IL1RAP: variants seen among roughly 807,000 people sequenced by gnomAD.
The protein encoded by IL1RAP is interleukin 1 receptor accessory protein.
In IL1RAP, 35 loss-of-function variants were observed where a neutral mutation model predicts 60.7. The observed-to-expected ratio is 0.58, with a 90% CI of 0.44 to 0.76. The LOEUF (loss-of-function observed/expected upper bound fraction) is 0.76. IL1RAP is among the 30% of genes least tolerant of loss of function. IL1RAP has a pLI of 0.00. For missense variants in IL1RAP, 572 were observed against 693.9 expected (o/e 0.82, Z 1.97); for synonymous variants, 268 against 250.9 (o/e 1.07, Z -0.64).
intron 3 of IL1RAP, among the ~76,000 whole-genome samples, chr3:190,589,699 G>C (rs1174741705): frequency 1.3e-5 from 2 of 152,172 alleles, no homozygotes; most frequent in African/African-American, 4.8e-5. Flanking sequence ...GGGGAAGTTA[G>C]AAAGCTCCTA....
chr3:190,631,501 G>C (rs969788102), intron 9 of IL1RAP, among the ~76,000 whole-genome samples: 5 of 152,158 alleles, frequency 3.3e-5, no homozygotes, highest in African/African-American at 7.2e-5. Flanking sequence ...TGTATTTCCG[G>C]TGGTACCAGA....
At chr3:190,533,989 T>C (rs1723214046) in intron 1 of IL1RAP, among the ~76,000 whole-genome samples, 2 of 152,110 alleles carry the variant, frequency 1.3e-5, no homozygotes, top group African/African-American at 4.8e-5. Flanking sequence ...TTCTTTTAAT[T>C]GGCTTACTAC....
intron 3 of IL1RAP, among the ~76,000 whole-genome samples, chr3:190,580,552 A>G (rs950125799): frequency 6.6e-6 from 1 of 152,214 alleles, no homozygotes; most frequent in African/African-American, 2.4e-5. Flanking sequence ...GCACAGAAGG[A>G]CAGACACTAC....
chr3:190,532,878 T>A (rs184882892), intron 1 of IL1RAP, among the ~76,000 whole-genome samples: 142 of 152,300 alleles, frequency 9.3e-4, no homozygotes, highest in Non-Finnish European at 1.7e-3. Flanking sequence ...CTTTTCTCCT[T>A]TTTCAATTTC....
intron 3 of IL1RAP, among the ~76,000 whole-genome samples, chr3:190,565,624 G>A (rs535067093): frequency 9.8e-5 from 15 of 152,320 alleles, no homozygotes; most frequent in African/African-American, 3.6e-4. Flanking sequence ...GCTTCACAGA[G>A]GAATGGCTGT....
rs1218373695 is a variant in IL1RAP, at chr3:190,634,711, TTTTTTTTGTTGTTG to T, written c.1051+5221_1051+5234del. Among the ~76,000 whole-genome samples, 13 of 141,852 alleles carry T rather than the reference TTTTTTTTGTTGTTG, an allele frequency of 9.2e-5. 2 individuals carry two copies. Among genetic ancestry groups the T allele is most frequent in the African/African-American group, 3.8e-4 (13 of 34,424 alleles). 93.1% of individuals were successfully genotyped at this position (141,852 alleles called of 152,430 possible). On this transcript the variant is annotated intron_variant, in intron 9 of 11. Transcript: ENST00000447382. ...ATAACTATCTGGGCCTGTTGTGTTT[TTTTTTTTGTTGTTG>T]TTTTTTTTGAGAAGGAGTCTCGCTC...
intron 2 of IL1RAP, among the ~76,000 whole-genome samples, chr3:190,561,503 T>A (rs374899604): frequency 6.6e-6 from 1 of 152,170 alleles, no homozygotes; most frequent in African/African-American, 2.4e-5. Flanking sequence ...CCAGTTACTC[T>A]TGGGAATATC....
At chr3:190,538,515 A>G (rs1359484712) in intron 1 of IL1RAP, among the ~76,000 whole-genome samples, 1 of 152,136 alleles carries the variant, frequency 6.6e-6, no homozygotes, top group African/African-American at 2.4e-5. Flanking sequence ...GGAGCTCTTA[A>G]CTGTGTGTTG....
rs147034157 is a variant in IL1RAP, at chr3:190,620,905, T to C, written c.703+465T>C. ...TACTTGGATTAAGTAAACTCTATTT[T>C]TCTACATACTGAAACTGCTGTACCT... On this transcript the variant is annotated intron_variant, in intron 6 of 11. Coordinates refer to ENST00000447382, the MANE Select transcript of IL1RAP (RefSeq NM_002182.4). 2.0e-3 allele frequency among the ~76,000 whole-genome samples: 300 copies of C among 152,352 alleles called. 2 individuals are homozygous for C. The highest frequency in any genetic ancestry group is 6.9e-3 in the African/African-American group (289 of 41,588).
intron 3 of IL1RAP, among the ~76,000 whole-genome samples, chr3:190,597,602 T>C (rs967865366): frequency 6.6e-6 from 1 of 152,144 alleles, no homozygotes; most frequent in Non-Finnish European, 1.5e-5. Flanking sequence ...CTGCCCACAT[T>C]TCACTGGCCA....
intron 1 of IL1RAP, among the ~76,000 whole-genome samples, chr3:190,531,556 G>A (rs1448287449): frequency 1.3e-5 from 2 of 152,128 alleles, no homozygotes; most frequent in African/African-American, 2.4e-5. Context: ...AGCACTTCCC[G>A]GCACATACTC....
In IL1RAP at chr3:190,650,246, T is replaced by C; in HGVS notation, c.*1541T>C. 1.0e-6 allele frequency: 1 copy of C among 985,148 alleles called. No individual in the cohort carries two copies. The allele number at this position is 985,148 out of a possible 1,614,324, so 61.0% of individuals were successfully genotyped here. On this transcript the variant is annotated 3_prime_UTR_variant, in exon 12 of 12. Transcript: ENST00000447382. ...TAATTCACAGCTCACAGAGTGATAG[T>C]TGTCATAGTTCTTGCCTTCCCTAAG...
chr3:190,623,441 T>C (rs779067589), intron 7 of IL1RAP, 26 bp downstream of exon 7: 5 of 1,490,450 alleles, frequency 3.4e-6, no homozygotes, highest in Non-Finnish European at 4.7e-6. Context: ...TCTCTGAATT[T>C]CACTTAGATT....
intron 9 of IL1RAP, among the ~76,000 whole-genome samples, chr3:190,632,298 A>T (rs2108826169): frequency 6.6e-6 from 1 of 152,314 alleles, no homozygotes; most frequent in Non-Finnish European, 1.5e-5. Context: ...ATACTGATGG[A>T]TGCATAGTTT....
intron 2 of IL1RAP, among the ~76,000 whole-genome samples, chr3:190,558,411 G>T (rs1286792396): frequency 1.2e-4 from 19 of 152,122 alleles, no homozygotes; most frequent in Non-Finnish European, 1.5e-5. Context: ...CAGTATGAGA[G>T]TTCCAATTGC....
chr3:190,580,953 A>G (rs1033142442), intron 3 of IL1RAP, among the ~76,000 whole-genome samples: 1 of 152,208 alleles, frequency 6.6e-6, no homozygotes, highest in Non-Finnish European at 1.5e-5. Context: ...CACATCAAAT[A>G]TATACAGCTT....
At position 190,645,883 on chromosome 3, in the gene IL1RAP, G is replaced by A. The variant is rs768474018; in HGVS notation, c.1345+41G>A. 7 of 1,560,054 alleles carry A rather than the reference G, an allele frequency of 4.5e-6. No individual in the cohort carries two copies. The South Asian group carries it at 8.2e-5, about 18-fold the overall frequency. On this transcript the variant is annotated intron_variant, in intron 11 of 11. Transcript: ENST00000447382. ...GAGTACAAATGATGCTACCTTGAAA[G>A]GCAGACAGAATCATTAGTTTTGCAT...
intron 3 of IL1RAP, among the ~76,000 whole-genome samples, chr3:190,598,488 G>A (rs1183996711): frequency 6.6e-6 from 1 of 151,954 alleles, no homozygotes; most frequent in Non-Finnish European, 1.5e-5. Flanking sequence ...GTATTACCTA[G>A]TGGATATTTT....
intron 2 of IL1RAP, 38 bp from the exon 3 acceptor site, chr3:190,564,251 G>C (rs1726168015): frequency 7.7e-7 from 1 of 1,303,942 alleles, no homozygotes; most frequent in Non-Finnish European, 1.1e-6. Context: ...CTTGAAAGTA[G>C]TAAGTGATTT....
Sources: allele counts gnomAD v4.1 joint callset (sites outside exome capture counted in the v4.1 genomes callset), GRCh38; gene constraint gnomAD v4.1.1; transcripts MANE v1.5; gene names NCBI Gene and HGNC (gene_info 2026-07-23, HGNC 2026-07-21).